LDLRAD4: variants seen among roughly 807,000 people sequenced by gnomAD.
LDLRAD4 encodes low-density lipoprotein receptor class A domain-containing protein 4.
In LDLRAD4, 5 loss-of-function variants were observed where a neutral mutation model predicts 17.0. That is an observed-to-expected ratio of 0.29 (90% CI 0.15 to 0.62). The LOEUF is 0.62. LDLRAD4 is among the 20% of genes least tolerant of loss of function. LDLRAD4 has a pLI of 0.84. For missense variants in LDLRAD4, 340 were observed against 424.7 expected, an observed-to-expected ratio of 0.80 and a Z score of 1.75; for synonymous variants, 168 against 171.8, an observed-to-expected ratio of 0.98 and a Z score of 0.17.
At chr18:13,282,708 C>T (rs1050036883) in intron 1 of LDLRAD4, among the ~76,000 whole-genome samples, 30 of 152,260 alleles carry the variant, frequency 2.0e-4, no homozygotes, top group African/African-American at 5.8e-4. Context: ...TCCAGGCACA[C>T]GGTACAGGCT....
At chr18:13,391,853 T>G (rs1282545287) in intron 2 of LDLRAD4, among the ~76,000 whole-genome samples, 1 of 152,218 alleles carries the variant, frequency 6.6e-6, no homozygotes, top group East Asian at 1.9e-4. Flanking sequence ...ATTACGAGCA[T>G]TTTTCTTATA....
chr18:13,461,001 C>T (rs2146559462), intron 3 of LDLRAD4: 1 of 152,388 alleles, frequency 6.6e-6, no homozygotes, highest in South Asian at 2.1e-4. Flanking sequence ...CGGGGCCCTT[C>T]TGCAGCCCCC....
At chr18:13,530,667 G>A (rs754339107) in intron 3 of LDLRAD4, among the ~76,000 whole-genome samples, 11 of 152,228 alleles carry the variant, frequency 7.2e-5, no homozygotes, top group Non-Finnish European at 1.5e-4. Flanking sequence ...CTCGTGCCCT[G>A]GCACGATAAA....
intron 1 of LDLRAD4, among the ~76,000 whole-genome samples, chr18:13,312,130 C>T (rs541611815): frequency 7.3e-4 from 111 of 152,216 alleles, no homozygotes; most frequent in South Asian, 4.2e-3. Context: ...CCACCGTGCC[C>T]GGCCAAATCT....
At chr18:13,532,985 A>G (rs1022858942) in intron 3 of LDLRAD4, among the ~76,000 whole-genome samples, 1 of 152,230 alleles carries the variant, frequency 6.6e-6, no homozygotes, top group Non-Finnish European at 1.5e-5. Flanking sequence ...CACTCGGGAA[A>G]TGAGCCTCGT....
At chr18:13,261,956 A>T (rs1054692194) in intron 1 of LDLRAD4, among the ~76,000 whole-genome samples, 2 of 151,762 alleles carry the variant, frequency 1.3e-5, no homozygotes, top group South Asian at 4.2e-4. Context: ...GTGTGTAGAA[A>T]ATGAGTCCCG....
At chr18:13,484,831 G>A (rs1466846588) in intron 3 of LDLRAD4, among the ~76,000 whole-genome samples, 2 of 152,196 alleles carry the variant, frequency 1.3e-5, no homozygotes, top group Non-Finnish European at 2.9e-5. Context: ...TTTGGGGGTA[G>A]ATTTAAATAT....
intron 3 of LDLRAD4, among the ~76,000 whole-genome samples, chr18:13,545,639 G>A (rs1409220184): frequency 3.3e-5 from 5 of 152,186 alleles, no homozygotes; most frequent in Admixed American, 6.5e-5. Flanking sequence ...TGAGCAGTGC[G>A]GTTTCTTAGC....
intron 1 of LDLRAD4, among the ~76,000 whole-genome samples, chr18:13,320,776 C>T (rs753961906): frequency 1.3e-5 from 2 of 152,150 alleles, no homozygotes; most frequent in Admixed American, 6.5e-5. Flanking sequence ...TAACGTGTGA[C>T]GTGTTGACCT....
intron 3 of LDLRAD4, among the ~76,000 whole-genome samples, chr18:13,473,924 C>T (rs909297574): frequency 6.6e-6 from 1 of 151,764 alleles, no homozygotes; most frequent in Non-Finnish European, 1.5e-5. Context: ...GAATTGTAAT[C>T]CTCAGCATTG....
At position 13,552,603 on chromosome 18, in the gene LDLRAD4, C is replaced by T. The variant is rs533168792; in HGVS notation, c.182-68514C>T. ...TTGATAGATGGCCAGGGCTCACCCT[C>T]CTCCCTCCACTTCCTAACGACGGGG... On this transcript the variant is annotated intron_variant, in intron 3 of 5. Coordinates refer to ENST00000359446, the Ensembl canonical transcript of LDLRAD4. Among the ~76,000 whole-genome samples the T allele has an allele frequency of 1.8e-4, 27 of 152,308 alleles. No individual in the cohort carries two copies. The South Asian group carries it at 5.2e-3, about 29-fold the overall frequency.
At chr18:13,611,682 C>G in intron 3 of LDLRAD4, 1 of 985,398 alleles carries the variant, frequency 1.0e-6, no homozygotes, top group Non-Finnish European at 1.2e-6. Flanking sequence ...ATTGAGCATC[C>G]TGACTTTGAA....
intron 3 of LDLRAD4, among the ~76,000 whole-genome samples, chr18:13,444,024 C>CT (rs151282478): frequency 1.3e-5 from 2 of 152,250 alleles, no homozygotes; most frequent in Non-Finnish European, 2.9e-5. Flanking sequence ...AAATTCTGTC[C>CT]TTTTTTCTCA....
chr18:13,630,272 G>A (rs1198462617), intron 4 of LDLRAD4, among the ~76,000 whole-genome samples: 1 of 152,186 alleles, frequency 6.6e-6, no homozygotes, highest in Non-Finnish European at 1.5e-5. Flanking sequence ...GTCTGATGAT[G>A]GATTCCCCAG....
chr18:13,642,524 C>T, intron 4 of LDLRAD4: 1 of 1,227,166 alleles, frequency 8.1e-7, no homozygotes, highest in East Asian at 3.2e-5. Context: ...TGTGAAGTTG[C>T]ATCTGCCCTG....
At chr18:13,564,281 A>G (rs1258296818) in intron 3 of LDLRAD4, among the ~76,000 whole-genome samples, 1 of 152,182 alleles carries the variant, frequency 6.6e-6, no homozygotes, top group Non-Finnish European at 1.5e-5. Flanking sequence ...ATGGAGCAGT[A>G]TTCTGGTTTG....
intron 1 of LDLRAD4, among the ~76,000 whole-genome samples, chr18:13,244,359 TCATCCACCCATCTGTCCTAA>T (rs1258760006): frequency 6.6e-6 from 1 of 151,514 alleles, no homozygotes; most frequent in Non-Finnish European, 1.5e-5. Context: ...ACCCATCCAT[TCATCCACCCATCTGTCCTAA>T]CATCCACCCA....
chr18:13,511,318 A>G (rs531624271), intron 3 of LDLRAD4, among the ~76,000 whole-genome samples: 44 of 152,242 alleles, frequency 2.9e-4, no homozygotes, highest in Non-Finnish European at 5.1e-4. Flanking sequence ...GCGGATCATG[A>G]GGTCAGGCGT....
intron 2 of LDLRAD4, among the ~76,000 whole-genome samples, chr18:13,438,021 G>A (rs983897498): frequency 1.3e-5 from 2 of 152,350 alleles, no homozygotes; most frequent in East Asian, 3.9e-4. Context: ...GGGCCTCGGT[G>A]CCCCTGTGGA....
Sources: allele counts gnomAD v4.1 joint callset (sites outside exome capture counted in the v4.1 genomes callset), GRCh38; gene constraint gnomAD v4.1.1; transcripts MANE v1.5; gene names NCBI Gene and HGNC (gene_info 2026-07-23, HGNC 2026-07-21).